NEGR1: variants seen among roughly 807,000 people sequenced by gnomAD.
NEGR1 encodes the protein IgLON family member 4.
NEGR1 carries 10 observed loss-of-function variants against 40.9 expected under a neutral mutation model. That is an observed-to-expected ratio of 0.24 (90% CI 0.15 to 0.42). The LOEUF is 0.42. Among genes scored for constraint, NEGR1 ranks in the 10% least tolerant of loss-of-function variants. The pLI is 1.00. For missense variants in NEGR1, 352 were observed against 438.9 expected (o/e 0.80, Z 1.77); for synonymous variants, 185 against 166.8 (o/e 1.11, Z -0.84).
At chr1:71,858,859 T>G (rs1024405422) in intron 2 of NEGR1, among the ~76,000 whole-genome samples, 2 of 152,076 alleles carry the variant, frequency 1.3e-5, no homozygotes, top group Admixed American at 6.6e-5. Context: ...ATTATTTTTG[T>G]GGTTTTTTAA....
At chr1:71,530,931 C>G (rs1021571191) in intron 6 of NEGR1, among the ~76,000 whole-genome samples, 1 of 150,766 alleles carries the variant, frequency 6.6e-6, no homozygotes, top group Non-Finnish European at 1.5e-5. Context: ...CAAATTTAAC[C>G]TACACTTCTA....
intron 1 of NEGR1, among the ~76,000 whole-genome samples, chr1:72,081,681 T>A (rs1377474445): frequency 6.6e-6 from 1 of 151,742 alleles, no homozygotes. Flanking sequence ...AATGAAGGAG[T>A]ATATTATAGA....
chr1:71,952,049 A>G (rs1296516338), intron 1 of NEGR1, among the ~76,000 whole-genome samples: 1 of 151,870 alleles, frequency 6.6e-6, no homozygotes, highest in Non-Finnish European at 1.5e-5. Flanking sequence ...TCTATTCCCC[A>G]AGATACAACA....
At chr1:71,422,625 A>G (rs1646405346) in intron 6 of NEGR1, 1 of 152,228 alleles carries the variant, frequency 6.6e-6, no homozygotes, top group Non-Finnish European at 1.5e-5. Flanking sequence ...CTTAGCAGCT[A>G]CAGGAAAAGA....
intron 1 of NEGR1, among the ~76,000 whole-genome samples, chr1:72,262,504 C>A (rs984782599): frequency 6.6e-6 from 1 of 151,954 alleles, no homozygotes; most frequent in Non-Finnish European, 1.5e-5. Flanking sequence ...ATATAATAAG[C>A]TTTTGAGGAC....
At chr1:72,113,014 A>C (rs1474792114) in intron 1 of NEGR1, among the ~76,000 whole-genome samples, 2 of 151,662 alleles carry the variant, frequency 1.3e-5, no homozygotes, top group Admixed American at 6.6e-5. Flanking sequence ...CGACTTCCAC[A>C]ATTTAGTGTT....
At chr1:71,739,853 A>C (rs1411947304) in intron 3 of NEGR1, among the ~76,000 whole-genome samples, 1 of 152,160 alleles carries the variant, frequency 6.6e-6, no homozygotes, top group Non-Finnish European at 1.5e-5. Flanking sequence ...ATTTGCCAAA[A>C]ATATTTAATA....
At chr1:71,744,439 T>C (rs1655319096) in intron 3 of NEGR1, among the ~76,000 whole-genome samples, 1 of 151,678 alleles carries the variant, frequency 6.6e-6, no homozygotes, top group Non-Finnish European at 1.5e-5. Flanking sequence ...CATCTGTCTA[T>C]ATCCACATAT....
rs959711479 is a variant in NEGR1 at position 72,240,146 on chromosome 1, G to T, written c.176+42173C>A. Reference sequence around the variant, plus strand: ...GTGGAATAATGGTGACATCGCTAATGCTTAAAAAATGTTTATGGGCAAAAT... The same window carrying T: ...GTGGAATAATGGTGACATCGCTAATTCTTAAAAAATGTTTATGGGCAAAAT... On this transcript the variant is annotated intron_variant, in intron 1 of 6. Transcript: ENST00000357731. Among the ~76,000 whole-genome samples, 6 of 151,798 alleles carry T rather than the reference G, an allele frequency of 4.0e-5. No homozygotes were observed. In the South Asian group the frequency reaches 1.2e-3, roughly 31 times the overall value.
At chr1:71,894,950 G>T (rs1235582536) in intron 2 of NEGR1, among the ~76,000 whole-genome samples, 1 of 151,834 alleles carries the variant, frequency 6.6e-6, no homozygotes, top group Non-Finnish European at 1.5e-5. Context: ...GGAAGGAAAA[G>T]AAAGAATCCA....
chr1:71,601,585 A>G (rs747507179), intron 5 of NEGR1, among the ~76,000 whole-genome samples: 2 of 152,252 alleles, frequency 1.3e-5, no homozygotes, highest in Non-Finnish European at 2.9e-5. Flanking sequence ...TGATTGGATA[A>G]AGAAAATGTG....
chr1:72,177,447 C>T (rs889118075), intron 1 of NEGR1, among the ~76,000 whole-genome samples: 1 of 151,946 alleles, frequency 6.6e-6, no homozygotes, highest in African/African-American at 2.4e-5. Flanking sequence ...TTTCATTTTT[C>T]TAATAATTTA....
rs568546975 is a variant in NEGR1 at position 71,777,162 on chromosome 1, G to T, written c.410-865C>A. ...TCTTTGAGAAACCAAATGTCTCATT[G>T]AATCCTCAAAGAGCATGGGTATAAA... On this transcript the variant is annotated intron_variant, in intron 2 of 6. Coordinates refer to ENST00000357731, the MANE Select transcript of NEGR1 (RefSeq NM_173808.3). Among the ~76,000 whole-genome samples the T allele has an allele frequency of 4.1e-4, 62 of 152,190 alleles. 1 individual carries two copies. The highest frequency in any genetic ancestry group is 1.5e-3 in the African/African-American group (62 of 41,544).
chr1:71,686,005 A>G (rs541905817), intron 4 of NEGR1, among the ~76,000 whole-genome samples: 1 of 150,334 alleles, frequency 6.7e-6, no homozygotes, highest in South Asian at 2.1e-4. Flanking sequence ...GAGCAAAATC[A>G]TAGGTAGCCT....
intron 1 of NEGR1, among the ~76,000 whole-genome samples, chr1:71,976,558 A>AT (rs1384435141): frequency 2.6e-5 from 4 of 152,086 alleles, no homozygotes; most frequent in African/African-American, 9.7e-5. Flanking sequence ...AGCTGGCAGA[A>AT]TTTTTTTGCA....
At chr1:72,171,793 T>A (rs1007569959) in intron 1 of NEGR1, among the ~76,000 whole-genome samples, 3 of 152,188 alleles carry the variant, frequency 2.0e-5, no homozygotes, top group Non-Finnish European at 2.9e-5. Context: ...TATTGAAACA[T>A]TATTGTTTTG....
chr1:71,452,558 T>C (rs1022951979), intron 6 of NEGR1, among the ~76,000 whole-genome samples: 3 of 152,188 alleles, frequency 2.0e-5, no homozygotes, highest in Non-Finnish European at 4.4e-5. Flanking sequence ...ATTAAATCCA[T>C]GTCCTTTTCT....
chr1:71,613,674 T>C (rs1009925815), intron 4 of NEGR1, among the ~76,000 whole-genome samples: 1 of 151,156 alleles, frequency 6.6e-6, no homozygotes, highest in South Asian at 2.1e-4. Context: ...AAAAAAAGAA[T>C]TTTGGAGGGA....
rs1413961326 is a variant in NEGR1, at chr1:71,406,323, T to C, written c.*1123A>G. ...AGATGGAAAATATGCAAAATGCTCC[T>C]GTCCACAGGAGCACTGCCTCTGTCA... On this transcript the variant is annotated 3_prime_UTR_variant, in exon 7 of 7. Transcript: ENST00000357731. The C allele has an allele frequency of 1.3e-5, 2 of 151,936 alleles. No individual in the cohort carries two copies. The highest frequency in any genetic ancestry group is 2.9e-5 in the Non-Finnish European group (2 of 67,872). The allele number at this position is 151,936 out of a possible 1,614,324, so 9.4% of individuals were successfully genotyped here.
Sources: allele counts gnomAD v4.1 joint callset (sites outside exome capture counted in the v4.1 genomes callset), GRCh38; gene constraint gnomAD v4.1.1; transcripts MANE v1.5; gene names NCBI Gene and HGNC (gene_info 2026-07-23, HGNC 2026-07-21).